Variants in ARVCF observed in about 807,000 individuals in gnomAD.
ARVCF encodes splicing regulator ARVCF.
ARVCF carries 66 observed loss-of-function variants against 90.9 expected under a neutral mutation model. The observed-to-expected ratio is 0.73, with a 90% CI of 0.60 to 0.89. The LOEUF (loss-of-function observed/expected upper bound fraction) is 0.89, where lower values mean the gene tolerates loss of function less well. ARVCF is among the 40% of genes least tolerant of loss of function. The pLI, the probability that ARVCF is intolerant of heterozygous loss-of-function variation, is 0.00. For missense variants in ARVCF, 1,469 were observed against 1,382.3 expected, an observed-to-expected ratio of 1.06 and a Z score of -1.00; for synonymous variants, 653 against 603.4, an observed-to-expected ratio of 1.08 and a Z score of -1.21.
At chr22:19,991,183 A>G (rs1160377499) in intron 2 of ARVCF, among the ~76,000 whole-genome samples, 1 of 152,168 alleles carries the variant, frequency 6.6e-6, no homozygotes, top group Non-Finnish European at 1.5e-5. Context: ...CCTCCATTTC[A>G]CAGGGCCACC....
At chr22:19,979,557 A>ACTGGGGAACCTGTCACAGTGT in intron 6 of ARVCF, 186 bp downstream of exon 6, 1 of 906,530 alleles carries the variant, frequency 1.1e-6, no homozygotes, top group Non-Finnish European at 1.6e-6. Context: ...TATGGTAGAG[A>ACTGGGGAACCTGTCACAGTGT]CTGGGGAACC....
chr22:20,012,090 C>CCA (rs1555954491), intron 1 of ARVCF, among the ~76,000 whole-genome samples: 2 of 146,246 alleles, frequency 1.4e-5, no homozygotes, highest in African/African-American at 2.5e-5. Flanking sequence ...CCCCCCCCCC[C>CCA]ACCCAGTTGG....
At chr22:19,966,436 TAAA>T (rs362115), downstream of ARVCF, among the ~76,000 whole-genome samples, 302 of 135,248 alleles carry the variant, frequency 2.2e-3, no homozygotes, top group Non-Finnish European at 2.3e-3. Flanking sequence ...AGTTCCCCCT[TAAA>T]AAAAAAAAAA....
chr22:20,009,340 G>A lies in ARVCF; in HGVS notation c.-19+1115C>T, dbSNP rs530772384. On this transcript the variant is annotated intron_variant, in intron 2 of 19. Coordinates refer to ENST00000263207, the MANE Select transcript of ARVCF (RefSeq NM_001670.3). ...GGCAGCTTTCCATGCCCAAGGACTTGGGAACAGGCAAGGAGTCAGTCATCC... is the reference window on the plus strand; with the variant it reads ...GGCAGCTTTCCATGCCCAAGGACTTAGGAACAGGCAAGGAGTCAGTCATCC... Among the ~76,000 whole-genome samples, 4 of 152,324 alleles carry A rather than the reference G, an allele frequency of 2.6e-5. No homozygotes were observed. The East Asian group carries it at 7.7e-4, about 29-fold the overall frequency.
chr22:19,994,987 G>A (rs1944190066), intron 2 of ARVCF, among the ~76,000 whole-genome samples: 1 of 152,000 alleles, frequency 6.6e-6, no homozygotes, highest in African/African-American at 2.4e-5. Flanking sequence ...ACAGACGGGT[G>A]AATGGATAGG....
intron 7 of ARVCF, among the ~76,000 whole-genome samples, chr22:19,978,361 A>G (rs1002436527): frequency 3.9e-5 from 6 of 151,968 alleles, no homozygotes; most frequent in African/African-American, 1.5e-4. Flanking sequence ...GGACAGGTGC[A>G]CTCTCAGAGA....
In ARVCF at chr22:19,982,882, C is replaced by T. The variant is rs866354813; in HGVS notation, c.211-791G>A. Among the ~76,000 whole-genome samples, 4 of 152,334 alleles carry T rather than the reference C, an allele frequency of 2.6e-5. No individual in the cohort carries two copies. In the South Asian group the frequency reaches 8.3e-4, roughly 32 times the overall value. On this transcript the variant is annotated intron_variant, in intron 3 of 19. Coordinates refer to ENST00000263207, the MANE Select transcript of ARVCF (RefSeq NM_001670.3). ...TTGAGCCTATGGGTGCCCTTGCCAC[C>T]ATTCTGCATGGGGTGACGACACTGG... is the stretch of plus-strand genomic sequence containing the variant.
Position 19,973,324 on chromosome 22 carries a change from G to T in ARVCF, c.2240-7C>A. ...TCAGCCATGGCGTAGCTCCCTGAGG[G>T]GCAGGACTAGGTGTCAGAACACACC... On this transcript the variant is annotated splice_region_variant and splice_polypyrimidine_tract_variant and intron_variant, in intron 13 of 19. Coordinates refer to ENST00000263207, the MANE Select transcript of ARVCF (RefSeq NM_001670.3). The T allele has an allele frequency of 6.3e-7, 1 of 1,588,664 alleles. No individual in the cohort carries two copies. The highest frequency in any genetic ancestry group is 8.5e-7 in the Non-Finnish European group (1 of 1,173,026).
At chr22:19,975,601 G>A in intron 11 of ARVCF, 85 bp downstream of exon 11, 8 of 1,523,080 alleles carry the variant, frequency 5.3e-6, no homozygotes, top group Middle Eastern at 1.7e-4. Flanking sequence ...CTCCAGGCCT[G>A]CTTGATGGCT....
intron 11 of ARVCF, among the ~76,000 whole-genome samples, chr22:19,975,008 C>T (rs1460643286): frequency 6.6e-6 from 1 of 152,178 alleles, no homozygotes; most frequent in Non-Finnish European, 1.5e-5. Context: ...TTCATCACAC[C>T]CTCGCCAGTC....
chr22:19,981,881 G>T (rs768200025), intron 4 of ARVCF, 52 bp downstream of exon 4: 2 of 1,594,556 alleles, frequency 1.3e-6, no homozygotes, highest in Non-Finnish European at 1.7e-6. Flanking sequence ...AGGTGGGACA[G>T]CTGCAGCAGC....
intron 2 of ARVCF, among the ~76,000 whole-genome samples, chr22:19,997,874 C>T (rs992899125): frequency 5.3e-5 from 8 of 152,354 alleles, no homozygotes; most frequent in Non-Finnish European, 7.4e-5. Flanking sequence ...CTTACCGGGA[C>T]GGGCACCCAC....
At chr22:19,968,381 G>A (rs941680453), downstream of ARVCF, among the ~76,000 whole-genome samples, 2 of 152,186 alleles carry the variant, frequency 1.3e-5, no homozygotes, top group Non-Finnish European at 2.9e-5. Flanking sequence ...GTCCTTTCCT[G>A]CAGGAGTCAC....
chr22:19,978,909 G>A lies in ARVCF; in HGVS notation c.1568C>T (p.Ser523Leu), dbSNP rs542020914. The change falls in exon 7 of 20, where the codon TCG becomes TTG. Residue 523 changes from serine to leucine, a missense_variant. Physicochemically the swap from Ser to Leu is moderately radical, Grantham distance 145. Transcript: ENST00000263207. ...GTCTGGTCCACACCTCAGGCAGCCC[G>A]ACGTGTTCTTGAAGACAGTTGTCCA... is the stretch of plus-strand genomic sequence containing the variant. The part of the protein sequence containing the change: ...AEWTTVFKNT[S>L]GCLRNVSSDG... The A allele has an allele frequency of 7.0e-5, 113 of 1,611,362 alleles. 1 individual carries two copies. In the South Asian group the frequency reaches 7.7e-4, roughly 11 times the overall value.
At position 19,981,690 on chromosome 22, in the gene ARVCF, C is replaced by A; in HGVS notation, c.417G>T (p.Val139=). ...GGGGGAGTCCATCTGGGCCCACGGG[C>A]ACCTGGCGTACTGTCCGAGTGGTCA... ...KTVTTRTVRQ[V]PVGPDGLPLL... is the part of the protein sequence containing the mutation. Residue 139 remains valine (V), a synonymous_variant, in exon 5 of 20, where the codon GTG becomes GTT. Transcript: ENST00000263207. 1.3e-6 allele frequency: 2 copies of A among 1,599,774 alleles called. No homozygotes were observed. The highest frequency in any genetic ancestry group is 8.5e-7 in the Non-Finnish European group (1 of 1,173,412).
intron 16 of ARVCF, 144 bp from the exon 17 acceptor site, chr22:19,972,555 C>G: frequency 8.1e-7 from 1 of 1,237,546 alleles, no homozygotes; most frequent in Non-Finnish European, 1.1e-6. Flanking sequence ...AGCCTCACCC[C>G]AGCTTGACAA....
At chr22:19,974,857 C>T (rs1110477) in intron 11 of ARVCF, among the ~76,000 whole-genome samples, 136,633 of 152,106 alleles carry the variant, frequency 0.9, 61,878 homozygotes, top group Non-Finnish European at 0.95. Flanking sequence ...TCCCGGGCAA[C>T]TGAGGCGCCG....
At chr22:19,967,036 G>A, downstream of ARVCF, 4 of 1,205,104 alleles carry the variant, frequency 3.3e-6, no homozygotes, top group Non-Finnish European at 4.2e-6. Context: ...CGGGCGACAG[G>A]CAGGACAGGT....
chr22:19,974,295 T>A, intron 11 of ARVCF, 56 bp from the exon 12 acceptor site: 1 of 1,527,722 alleles, frequency 6.5e-7, no homozygotes, highest in Non-Finnish European at 8.8e-7. Flanking sequence ...TCATCCATCA[T>A]ACCCCTCCCG....
Sources: gnomAD v4.1 joint callset for allele counts (sites outside exome capture counted in the v4.1 genomes callset) on GRCh38, gnomAD v4.1.1 for gene constraint, MANE v1.5 for transcripts, NCBI Gene and HGNC (gene_info 2026-07-23, HGNC 2026-07-21) for gene names.